RABGAP1: variants seen among roughly 807,000 people sequenced by gnomAD.
The protein encoded by RABGAP1 is rab GTPase-activating protein 1.
A neutral mutation model predicts 137.6 loss-of-function variants in RABGAP1; 23 were observed. The observed-to-expected ratio is 0.17, with a 90% confidence interval of 0.12 to 0.24. RABGAP1 has a LOEUF of 0.24. RABGAP1 is among the 10% of genes least tolerant of loss of function. The probability of loss-of-function intolerance (pLI) is 1.00; values close to 1 mark genes in which losing one functional copy is unlikely to be tolerated. For synonymous variants in RABGAP1, 451 were observed against 450.7 expected, an observed-to-expected ratio of 1.00 and a Z score of -0.01; for missense variants, 906 against 1,275.8, an observed-to-expected ratio of 0.71 and a Z score of 4.42.
intron 1 of RABGAP1, among the ~76,000 whole-genome samples, chr9:122,943,072 C>CTTTTTTTTTTTTTTTTTTTTTTTTT (rs10582436): frequency 8.6e-6 from 1 of 116,224 alleles, no homozygotes; most frequent in African/African-American, 4.2e-5. Flanking sequence ...GGTGCACTTT[C>CTTTTTTTTTTTTTTTTTTTTTTTTT]TTTTTTTTTT....
chr9:122,943,685 G>A (rs1454311570), intron 1 of RABGAP1, among the ~76,000 whole-genome samples: 1 of 151,988 alleles, frequency 6.6e-6, no homozygotes, highest in Non-Finnish European at 1.5e-5. Flanking sequence ...TGGGCGCGGT[G>A]GCTCACGCCT....
At chr9:122,977,589 T>G (rs1835829290) in intron 2 of RABGAP1, among the ~76,000 whole-genome samples, 1 of 151,996 alleles carries the variant, frequency 6.6e-6, no homozygotes, top group Non-Finnish European at 1.5e-5. Context: ...GCCTGTAATC[T>G]CAGCTACTCG....
intron 3 of RABGAP1, among the ~76,000 whole-genome samples, chr9:122,985,064 A>G (rs1463203181): frequency 6.6e-6 from 1 of 152,066 alleles, no homozygotes; most frequent in East Asian, 1.9e-4. Context: ...TGGAGGGATA[A>G]TTCTGGGTGA....
intron 13 of RABGAP1, among the ~76,000 whole-genome samples, chr9:123,064,558 ACT>A (rs2034105317): frequency 6.6e-6 from 1 of 152,138 alleles, no homozygotes; most frequent in African/African-American, 2.4e-5. Flanking sequence ...AGGGGAATCA[ACT>A]CTATTGTCTT....
At chr9:123,096,831 A>G (rs956231382) in intron 21 of RABGAP1, among the ~76,000 whole-genome samples, 1 of 152,102 alleles carries the variant, frequency 6.6e-6, no homozygotes, top group Non-Finnish European at 1.5e-5. Flanking sequence ...TGGCCTCCCA[A>G]AGTGCTGGGA....
At chr9:122,966,523 C>T (rs1250339812) in intron 2 of RABGAP1, among the ~76,000 whole-genome samples, 1 of 150,834 alleles carries the variant, frequency 6.6e-6, no homozygotes, top group African/African-American at 2.4e-5. Flanking sequence ...AACTCCATCT[C>T]GAAAAAATAA....
At position 123,076,728 on chromosome 9, in the gene RABGAP1, CA is replaced by C; in HGVS notation, c.2397del (p.Lys799AsnfsTer2). The C allele has an allele frequency of 1.9e-6, 3 of 1,598,016 alleles. No individual in the cohort carries two copies. The highest frequency in any genetic ancestry group is 1.3e-5 in the African/African-American group (1 of 74,130). ...AAGAGATACCGCTCAGAAGAAAATG[CA>C]AAAAAACTAATGGAATTAGCCTGCA... is the stretch of plus-strand genomic sequence containing the variant. The part of the protein sequence containing the change: ...LPKRYRSEEN[A>X]KKLMELACNM... On this transcript the variant is annotated frameshift_variant, in exon 19 of 26. Coordinates refer to ENST00000373647, the MANE Select transcript of RABGAP1 (RefSeq NM_012197.4). LOFTEE classifies it high-confidence loss of function.
rs1192824287 is a variant in RABGAP1 at position 123,001,466 on chromosome 9, G to C, written c.1374+2700G>C. ...AGAATTTTGATTCTAGTATACCCAA[G>C]TTAGCCCTATTGGGTATATTTAGAA... On this transcript the variant is annotated intron_variant, in intron 10 of 25. Coordinates refer to ENST00000373647, the MANE Select transcript of RABGAP1 (RefSeq NM_012197.4). Among the ~76,000 whole-genome samples the C allele has an allele frequency of 2.6e-5, 4 of 152,282 alleles. No homozygotes were observed. The East Asian group carries it at 7.7e-4, about 29-fold the overall frequency.
chr9:122,932,191 A>G, the RABGAP1 span, among the ~76,000 whole-genome samples: 1 of 152,146 alleles, frequency 6.6e-6, no homozygotes, highest in Non-Finnish European at 1.5e-5. Context: ...AATCCAGTTT[A>G]CTGGTTTTTG....
chr9:122,957,349 G>C, intron 2 of RABGAP1, 140 bp downstream of exon 2: 1 of 670,010 alleles, frequency 1.5e-6, no homozygotes, highest in East Asian at 3.2e-5. Flanking sequence ...AATTTTATTT[G>C]CACTTAGTGA....
At chr9:123,002,492 A>G (rs911186325) in intron 10 of RABGAP1, among the ~76,000 whole-genome samples, 29 of 151,418 alleles carry the variant, frequency 1.9e-4, no homozygotes, top group Non-Finnish European at 3.5e-4. Context: ...AACATAAATA[A>G]GATTCCCCTG....
At chr9:123,002,368 AT>A (rs1554797080) in intron 10 of RABGAP1, among the ~76,000 whole-genome samples, 11 of 108,504 alleles carry the variant, frequency 1.0e-4, no homozygotes, top group East Asian at 5.4e-4. Flanking sequence ...ATATATATAT[AT>A]TTTTTTTTTA....
At chr9:122,945,147 C>CTTTTTTTTTCTTTTTTTTTTTTTTTTTT (rs1833875004) in intron 1 of RABGAP1, among the ~76,000 whole-genome samples, 1 of 75,772 alleles carries the variant, frequency 1.3e-5, no homozygotes, top group Non-Finnish European at 2.9e-5. Flanking sequence ...ATAGCTGTTG[C>CTTTTTTTTTCTTTTTTTTTTTTTTTTTT]TTTTTTTTTT....
At chr9:122,962,275 G>A (rs1834894184) in intron 2 of RABGAP1, among the ~76,000 whole-genome samples, 1 of 151,810 alleles carries the variant, frequency 6.6e-6, no homozygotes, top group Non-Finnish European at 1.5e-5. Context: ...TTGGGAGAGT[G>A]AGGTGGGTGG....
In RABGAP1 at chr9:123,104,494, T is replaced by C. The variant is rs1312218998; in HGVS notation, c.*1281T>C. On this transcript the variant is annotated 3_prime_UTR_variant, in exon 26 of 26. Coordinates refer to ENST00000373647, the MANE Select transcript of RABGAP1 (RefSeq NM_012197.4). ...CTGACACGCAGATGGTTTTGTCCTC[T>C]TTTCTGCGTTCAGTGTTGAGGCGGC... 6.6e-6 allele frequency: 1 copy of C among 152,658 alleles called. No individual in the cohort carries two copies. The highest frequency in any genetic ancestry group is 1.5e-5 in the Non-Finnish European group (1 of 68,046). 9.5% of individuals were successfully genotyped at this position (152,658 alleles called of 1,614,324 possible).
chr9:122,968,287 A>G (rs567654659), intron 2 of RABGAP1, among the ~76,000 whole-genome samples: 17 of 147,842 alleles, frequency 1.1e-4, no homozygotes, highest in Non-Finnish European at 2.2e-4. Context: ...CAGTGGTGCA[A>G]TCTCAGCTCA....
intron 13 of RABGAP1, among the ~76,000 whole-genome samples, chr9:123,051,160 T>C (rs2033438213): frequency 6.9e-6 from 1 of 145,000 alleles, no homozygotes; most frequent in African/African-American, 2.5e-5. Flanking sequence ...GCCCCCAGCA[T>C]TCAGCGACTG....
intron 2 of RABGAP1, among the ~76,000 whole-genome samples, chr9:122,981,172 A>G (rs1053008878): frequency 2.0e-5 from 3 of 151,996 alleles, no homozygotes; most frequent in African/African-American, 4.8e-5. Flanking sequence ...CTACAGGTGC[A>G]TGCCACAATG....
chr9:122,974,023 GAAAA>G (rs1438020945), intron 2 of RABGAP1, among the ~76,000 whole-genome samples: 3 of 147,734 alleles, frequency 2.0e-5, no homozygotes, highest in Admixed American at 6.7e-5. Context: ...AAAAAAAAAA[GAAAA>G]AAAGAACCTG....
Sources: allele counts gnomAD v4.1 joint callset (sites outside exome capture counted in the v4.1 genomes callset), GRCh38; gene constraint gnomAD v4.1.1; transcripts MANE v1.5; gene names NCBI Gene and HGNC (gene_info 2026-07-23, HGNC 2026-07-21).